PLEKHA7: variants seen among roughly 807,000 people sequenced by gnomAD.
The protein encoded by PLEKHA7 is pleckstrin homology domain-containing family A member 7.
A neutral mutation model predicts 170.0 loss-of-function variants in PLEKHA7; 104 were observed. That is an observed-to-expected ratio of 0.61 (90% CI 0.52 to 0.72). PLEKHA7 has a LOEUF of 0.72. Among genes scored for constraint, PLEKHA7 ranks in the 30% least tolerant of loss-of-function variants. The pLI, the probability that PLEKHA7 is intolerant of heterozygous loss-of-function variation, is 0.00. For synonymous variants in PLEKHA7, 648 were observed against 660.8 expected (o/e 0.98, Z 0.30); for missense variants, 1,615 against 1,671.7 (o/e 0.97, Z 0.59).
intron 5 of PLEKHA7, among the ~76,000 whole-genome samples, chr11:16,855,416 T>C (rs1159009254): frequency 1.3e-5 from 2 of 152,200 alleles, no homozygotes; most frequent in African/African-American, 4.8e-5. Context: ...TGATCCTTAG[T>C]GTTTCTACAC....
Position 16,841,399 on chromosome 11 carries a change from T to C in PLEKHA7, c.872+148A>G, listed in dbSNP as rs1294866134. On this transcript the variant is annotated intron_variant, in intron 9 of 26. Transcript: ENST00000531066. ...GTCATTTCACCCTTCCAGGCCTTAG[T>C]GTTTTTGTTTAATGAAGAAAGTTTA... 9 of 837,270 alleles carry C rather than the reference T, an allele frequency of 1.1e-5. No individual in the cohort carries two copies. The East Asian group carries it at 2.2e-4, about 21-fold the overall frequency. The allele number at this position is 837,270 out of a possible 1,614,324, so 51.9% of individuals were successfully genotyped here.
At position 17,007,621 on chromosome 11, in the gene PLEKHA7, T is replaced by G. The variant is rs565222280; in HGVS notation, c.221+6368A>C. Among the ~76,000 whole-genome samples, 226 of 149,828 alleles carry G rather than the reference T, an allele frequency of 1.5e-3. 1 individual carries two copies. Among genetic ancestry groups the G allele is most frequent in the South Asian group, 9.7e-3 (46 of 4,748 alleles). ...CAGAGTCTCATTCTGTCGCCCAGGC[T>G]GGAGTGCAGTGGCGTGAGCTCAGTT... On this transcript the variant is annotated intron_variant, in intron 3 of 26. Transcript: ENST00000531066.
At chr11:16,865,234 C>T (rs1854288502) in intron 4 of PLEKHA7, among the ~76,000 whole-genome samples, 1 of 152,226 alleles carries the variant, frequency 6.6e-6, no homozygotes, top group Admixed American at 6.5e-5. Flanking sequence ...TATTCTCCCC[C>T]TTTCTCTATG....
At chr11:16,843,731 G>C (rs747404199) in intron 8 of PLEKHA7, among the ~76,000 whole-genome samples, 1 of 152,170 alleles carries the variant, frequency 6.6e-6, no homozygotes, top group Non-Finnish European at 1.5e-5. Flanking sequence ...CCTGAAGTTA[G>C]TTCAAGACCA....
intron 3 of PLEKHA7, among the ~76,000 whole-genome samples, chr11:16,899,912 C>T (rs987258020): frequency 5.9e-5 from 9 of 152,316 alleles, no homozygotes; most frequent in African/African-American, 1.7e-4. Context: ...CCTGCTCTTA[C>T]TGGTCCCAGG....
intron 3 of PLEKHA7, among the ~76,000 whole-genome samples, chr11:16,963,034 T>C (rs1056500596): frequency 3.9e-5 from 6 of 152,196 alleles, no homozygotes; most frequent in Non-Finnish European, 8.8e-5. Context: ...TGCAACCCTC[T>C]GGATTCAGCC....
At chr11:16,824,848 T>C (rs1373739468) in intron 10 of PLEKHA7, among the ~76,000 whole-genome samples, 2 of 152,178 alleles carry the variant, frequency 1.3e-5, no homozygotes, top group African/African-American at 4.8e-5. Context: ...CCAACCTCAC[T>C]CAGCAGTAAC....
intron 9 of PLEKHA7, among the ~76,000 whole-genome samples, chr11:16,835,891 T>C (rs886263524): frequency 6.6e-6 from 1 of 152,180 alleles, no homozygotes; most frequent in Non-Finnish European, 1.5e-5. Flanking sequence ...GTAAGCCATT[T>C]CTGCCCATAG....
chr11:16,798,612 T>C (rs1399374337), intron 17 of PLEKHA7, among the ~76,000 whole-genome samples: 1 of 152,238 alleles, frequency 6.6e-6, no homozygotes, highest in African/African-American at 2.4e-5. Flanking sequence ...CAAGATGCCA[T>C]TTAGTAGACT....
intron 3 of PLEKHA7, among the ~76,000 whole-genome samples, chr11:16,964,359 T>C (rs1395465605): frequency 1.3e-5 from 2 of 152,198 alleles, no homozygotes; most frequent in South Asian, 4.1e-4. Context: ...GATCACAGGG[T>C]AATGCTATTT....
intron 3 of PLEKHA7, among the ~76,000 whole-genome samples, chr11:16,956,234 G>C (rs1054905479): frequency 9.9e-5 from 15 of 152,272 alleles, no homozygotes; most frequent in African/African-American, 3.6e-4. Context: ...GCCCAGGCTG[G>C]ATTTGAACTC....
At chr11:16,958,027 A>G (rs527441115) in intron 3 of PLEKHA7, among the ~76,000 whole-genome samples, 1 of 152,008 alleles carries the variant, frequency 6.6e-6, no homozygotes, top group South Asian at 2.1e-4. Context: ...TTTTAAGATC[A>G]TATCTCAGCC....
At chr11:16,920,585 T>A (rs1032901822) in intron 3 of PLEKHA7, among the ~76,000 whole-genome samples, 1 of 152,144 alleles carries the variant, frequency 6.6e-6, no homozygotes, top group Non-Finnish European at 1.5e-5. Flanking sequence ...ATAGGAAAAA[T>A]TATTTAAATT....
intron 3 of PLEKHA7, among the ~76,000 whole-genome samples, chr11:16,950,840 T>C (rs1370499087): frequency 6.6e-6 from 1 of 152,194 alleles, no homozygotes; most frequent in Non-Finnish European, 1.5e-5. Context: ...ATAGATAAAG[T>C]GTTTCCTCCC....
rs1186848746 is a variant in PLEKHA7 at position 16,842,955 on chromosome 11, T to G, written c.697-1233A>C. Among the ~76,000 whole-genome samples, 6 of 152,148 alleles carry G rather than the reference T, an allele frequency of 3.9e-5. No homozygotes were observed. The South Asian group carries it at 1.2e-3, about 32-fold the overall frequency. On this transcript the variant is annotated intron_variant, in intron 8 of 26. Coordinates refer to ENST00000531066, the MANE Select transcript of PLEKHA7 (RefSeq NM_001329630.2). ...GAGATTTCCACACCTGGTAACAGAT[T>G]CTTCACAGCACTTACCATTACCTGA... is the stretch of plus-strand genomic sequence containing the variant.
At chr11:16,936,554 C>T (rs931105283) in intron 3 of PLEKHA7, among the ~76,000 whole-genome samples, 4 of 152,180 alleles carry the variant, frequency 2.6e-5, no homozygotes, top group African/African-American at 9.7e-5. Context: ...TCCACTCTCC[C>T]AATCATTGGG....
chr11:16,826,421 G>A lies in PLEKHA7; in HGVS notation c.1042C>T (p.Gln348Ter). The A allele has an allele frequency of 6.2e-7, 1 of 1,614,206 alleles. No individual in the cohort carries two copies. Among genetic ancestry groups the A allele is most frequent in the East Asian group, 2.2e-5 (1 of 44,880 alleles). Reference protein sequence around the residue: ...QEQEGEQYRSQRDPLEGKRDR... With the variant: ...QEQEGEQYRS ...CGCTTGCCCTCCAGTGGGTCCCTCT[G>A]GGAACGGTACTGCTCTCCCTCCTGC... The change falls in exon 10 of 27, where the codon CAG (glutamine) becomes TAG (stop). Residue 348 changes from glutamine to a stop codon, truncating the protein, a stop_gained. Coordinates refer to ENST00000531066, the MANE Select transcript of PLEKHA7 (RefSeq NM_001329630.2). LOFTEE classifies it high-confidence loss of function.
At chr11:16,937,862 C>A (rs1860417776) in intron 3 of PLEKHA7, among the ~76,000 whole-genome samples, 1 of 152,298 alleles carries the variant, frequency 6.6e-6, no homozygotes, top group African/African-American at 2.4e-5. Context: ...CCCGCCTCGG[C>A]CTCCCAAAGT....
At chr11:16,786,479 T>C in intron 23 of PLEKHA7, 92 bp from the exon 24 acceptor site, 1 of 1,513,916 alleles carries the variant, frequency 6.6e-7, no homozygotes, top group Non-Finnish European at 8.8e-7. Context: ...CTTTGGAAGA[T>C]GAACCTGTGA....
Sources: gnomAD v4.1 joint callset for allele counts (sites outside exome capture counted in the v4.1 genomes callset) on GRCh38, gnomAD v4.1.1 for gene constraint, MANE v1.5 for transcripts, NCBI Gene and HGNC (gene_info 2026-07-23, HGNC 2026-07-21) for gene names.